Variants in TPH1 observed in about 807,000 individuals in gnomAD.
TPH1 encodes the protein tryptophan hydroxylase 1.
TPH1 carries 37 observed loss-of-function variants against 49.5 expected under a neutral mutation model. The observed-to-expected ratio is 0.75, with a 90% CI of 0.58 to 0.98. The LOEUF (loss-of-function observed/expected upper bound fraction) is 0.98, where lower values mean the gene tolerates loss of function less well. TPH1 is among the 50% of genes least tolerant of loss of function. The probability of loss-of-function intolerance (pLI) is 0.00; values close to 1 mark genes in which losing one functional copy is unlikely to be tolerated. For missense variants in TPH1, 487 were observed against 523.6 expected, an observed-to-expected ratio of 0.93 and a Z score of 0.68; for synonymous variants, 160 against 182.1, an observed-to-expected ratio of 0.88 and a Z score of 0.98.
chr11:18,039,738 G>C (rs1042157667), intron 2 of TPH1, among the ~76,000 whole-genome samples: 4 of 152,108 alleles, frequency 2.6e-5, no homozygotes, highest in African/African-American at 9.7e-5. Flanking sequence ...ACTTTGTCCA[G>C]CTCCACATCC....
At chr11:18,034,588 C>G (rs752755939) in intron 3 of TPH1, among the ~76,000 whole-genome samples, 8 of 151,970 alleles carry the variant, frequency 5.3e-5, no homozygotes, top group Non-Finnish European at 8.8e-5. Context: ...TCTCTGCCAG[C>G]CAGAAGTGGA....
Position 18,022,822 on chromosome 11 carries a change from A to C in TPH1, c.1136T>G (p.Phe379Cys), listed in dbSNP as rs1243253658. ...CCTCATCTTCTCCTTTGCATCTTCAAAACTTTCAGATACAAAGTAGACATC... is the reference window on the plus strand; with the variant it reads ...CCTCATCTTCTCCTTTGCATCTTCACAACTTTCAGATACAAAGTAGACATC... ...FQDVYFVSES[F>C]EDAKEKMREF... Residue 379 changes from phenylalanine to cysteine, a missense_variant, in exon 10 of 11, where the codon TTT (phenylalanine) becomes TGT (cysteine). Phe to Cys is a radical substitution (Grantham distance 205). Transcript: ENST00000682019. 6.2e-7 allele frequency: 1 copy of C among 1,613,282 alleles called. No homozygotes were observed. Among genetic ancestry groups the C allele is most frequent in the Non-Finnish European group, 8.5e-7 (1 of 1,179,538 alleles).
intron 3 of TPH1, among the ~76,000 whole-genome samples, chr11:18,035,476 A>G (rs111506217): frequency 3.1e-5 from 4 of 129,984 alleles, no homozygotes; most frequent in African/African-American, 1.2e-4. Flanking sequence ...CCCAAACGGG[A>G]GTGCAGTGGT....
At chr11:18,032,687 AG>A (rs1419167884) in intron 4 of TPH1, among the ~76,000 whole-genome samples, 1 of 151,352 alleles carries the variant, frequency 6.6e-6, no homozygotes, top group Non-Finnish European at 1.5e-5. Context: ...CTGGGACTAC[AG>A]GCGCCCGCCA....
rs754117009 is a variant in TPH1 at position 18,026,489 on chromosome 11, C to T, written c.803+1G>A. 1.5e-5 allele frequency: 24 copies of T among 1,608,734 alleles called. No individual in the cohort carries two copies. Among genetic ancestry groups the T allele is most frequent in the East Asian group, 9.0e-5 (4 of 44,656 alleles). ...TTCCTGGCTGAAATAGAAGTACTTA[C>T]GGCTCTGGGGTATAGAAGGGATCTG... is the stretch of plus-strand genomic sequence containing the variant. On this transcript the variant is annotated splice_donor_variant, in intron 7 of 10. Transcript: ENST00000682019. LOFTEE classifies it high-confidence loss of function.
At chr11:18,031,379 G>A (rs1847988940) in intron 4 of TPH1, among the ~76,000 whole-genome samples, 1 of 152,094 alleles carries the variant, frequency 6.6e-6, no homozygotes, top group African/African-American at 2.4e-5. Context: ...GGATGTTTGG[G>A]TTGTTTCCAC....
rs767111563 is a variant in TPH1 at position 18,029,509 on chromosome 11, T to G, written c.470+3A>C. ...TTGACTATATTTTTTTAAATATACT[T>G]ACTGTTTATAGTTCATAGCCAAGTC... On this transcript the variant is annotated splice_donor_region_variant and intron_variant, in intron 5 of 10. Coordinates refer to ENST00000682019, the MANE Select transcript of TPH1 (RefSeq NM_004179.3). 1.2e-6 allele frequency: 2 copies of G among 1,606,780 alleles called. No individual in the cohort carries two copies. The highest frequency in any genetic ancestry group is 1.7e-6 in the Non-Finnish European group (2 of 1,174,114).
chr11:18,021,100 T>G lies in TPH1; in HGVS notation c.1226A>C (p.Gln409Pro), dbSNP rs750003403. 3.1e-6 allele frequency: 5 copies of G among 1,614,022 alleles called. No individual in the cohort carries two copies. In the Admixed American group the frequency reaches 6.7e-5, roughly 22 times the overall value. ...TATGCTCTTGGTGTCTTTCAGGATC[T>G]GAATACTCCGTGTATATGGATTATA... ...VKYNPYTRSI[Q>P]ILKDTKSITS... Residue 409 changes from glutamine (Q) to proline (P), a missense_variant, in exon 11 of 11, where the codon CAG becomes CCG. By Grantham distance (76) the Gln-to-Pro change is moderately conservative. Coordinates refer to ENST00000682019, the MANE Select transcript of TPH1 (RefSeq NM_004179.3).
chr11:18,040,096 T>C (rs480425), intron 2 of TPH1, among the ~76,000 whole-genome samples: 10 of 149,200 alleles, frequency 6.7e-5, no homozygotes, highest in African/African-American at 2.2e-4. Flanking sequence ...TATATGATTA[T>C]ATATTGATAA....
At chr11:18,025,382 CTCTTT>C (rs944018726) in intron 8 of TPH1, among the ~76,000 whole-genome samples, 188 bp downstream of exon 8, 17 of 151,792 alleles carry the variant, frequency 1.1e-4, no homozygotes, top group African/African-American at 2.7e-4. Flanking sequence ...ATCCTTTCCT[CTCTTT>C]TCTTTTCTTT....
At chr11:18,038,964 T>C (rs1361070361) in intron 2 of TPH1, among the ~76,000 whole-genome samples, 1 of 152,122 alleles carries the variant, frequency 6.6e-6, no homozygotes, top group Non-Finnish European at 1.5e-5. Context: ...AGTAAATGAA[T>C]ATAGTGTGAA....
chr11:18,020,596 C>A lies in TPH1; in HGVS notation c.*395G>T. On this transcript the variant is annotated 3_prime_UTR_variant, in exon 11 of 11. Transcript: ENST00000682019. ...TCTTAGGTAACAATATGAGTCAGCG[C>A]CATAATACTCCTCAAGTTATTCTAA... 1 of 200,532 alleles carries A rather than the reference C, an allele frequency of 5.0e-6. No homozygotes were observed. The highest frequency in any genetic ancestry group is 9.3e-5 in the South Asian group (1 of 10,720). 12.4% of individuals were successfully genotyped at this position (200,532 alleles called of 1,614,324 possible).
chr11:18,037,638 GA>G (rs1000253647), intron 2 of TPH1, among the ~76,000 whole-genome samples: 19 of 150,636 alleles, frequency 1.3e-4, no homozygotes, highest in Admixed American at 7.9e-4. Flanking sequence ...TGTCTTTGGA[GA>G]AAAAAAAAGA....
At position 18,022,873 on chromosome 11, in the gene TPH1, T is replaced by C. The variant is rs202222394; in HGVS notation, c.1085A>G (p.Gln362Arg). 53 of 1,613,584 alleles carry C rather than the reference T, an allele frequency of 3.3e-5. No homozygotes were observed. Among genetic ancestry groups the C allele is most frequent in the Non-Finnish European group, 6.8e-6 (8 of 1,179,690 alleles). The change falls in exon 10 of 11, where the codon CAG becomes CGG. Residue 362 changes from glutamine (Q) to arginine (R), a missense_variant. Transcript: ENST00000682019. Reference protein sequence around the residue: ...KPFDPKITCKQECLITTFQDV... With the variant: ...KPFDPKITCKRECLITTFQDV... The stretch of plus-strand genomic sequence containing the variant: ...TTGAAAAGTTGTGATAAGACATTCC[T>C]GTTTGCAGGTAATCTTGGGATCAAA...
At chr11:18,045,651 C>G (rs957607502) in intron 1 of TPH1, among the ~76,000 whole-genome samples, 1 of 152,210 alleles carries the variant, frequency 6.6e-6, no homozygotes, top group Non-Finnish European at 1.5e-5. Context: ...TTAACTGACT[C>G]TAAACCGCAA....
chr11:18,034,458 T>G (rs1316339249), intron 3 of TPH1, among the ~76,000 whole-genome samples: 1 of 152,208 alleles, frequency 6.6e-6, no homozygotes, highest in African/African-American at 2.4e-5. Context: ...GCTTCTGCTC[T>G]GCAAGGTGTT....
chr11:18,044,582 T>C (rs769181852), intron 1 of TPH1, among the ~76,000 whole-genome samples: 10 of 152,082 alleles, frequency 6.6e-5, no homozygotes, highest in Non-Finnish European at 1.0e-4. Flanking sequence ...CATAGATCTT[T>C]GATCGTTACT....
chr11:18,038,630 A>G (rs1284981399), intron 2 of TPH1, among the ~76,000 whole-genome samples: 2 of 152,232 alleles, frequency 1.3e-5, no homozygotes, highest in Non-Finnish European at 2.9e-5. Context: ...TGATTTAATG[A>G]GTGTGATTAA....
chr11:18,024,307 C>T (rs1292126574), intron 8 of TPH1, among the ~76,000 whole-genome samples: 1 of 152,126 alleles, frequency 6.6e-6, no homozygotes, highest in Non-Finnish European at 1.5e-5. Context: ...ATTTAATAAA[C>T]TCATTTTATG....
Sources: allele counts gnomAD v4.1 joint callset (sites outside exome capture counted in the v4.1 genomes callset), GRCh38; gene constraint gnomAD v4.1.1; transcripts MANE v1.5; gene names NCBI Gene and HGNC (gene_info 2026-07-23, HGNC 2026-07-21).